The following SLC22A8 variants were observed in gnomAD, a reference collection of about 807,000 sequenced individuals.
SLC22A8 encodes solute carrier family 22 member 8.
SLC22A8 carries 40 observed loss-of-function variants against 48.4 expected under a neutral mutation model. The observed-to-expected ratio is 0.83, with a 90% CI of 0.64 to 1.08. The LOEUF is 1.08. Ranked by LOEUF, SLC22A8 falls within the 50% of genes least tolerant of loss-of-function variation. SLC22A8 has a pLI of 0.00. For missense variants in SLC22A8, 606 were observed against 699.0 expected (o/e 0.87, Z 1.50); for synonymous variants, 268 against 286.3 (o/e 0.94, Z 0.65).
chr11:63,014,598 TG>T (rs2086653222), intron 2 of SLC22A8, 27 bp downstream of exon 2: 1 of 1,548,340 alleles, frequency 6.5e-7, no homozygotes, highest in Non-Finnish European at 8.8e-7. Context: ...CGTGGGTAAG[TG>T]GAGGGAGAGG....
At position 63,015,795 on chromosome 11, in the gene SLC22A8, G is replaced by A. The variant is rs1187780412; in HGVS notation, c.-92C>T. On this transcript the variant is annotated 5_prime_UTR_variant, in exon 1 of 11. Transcript: ENST00000336232. The stretch of plus-strand genomic sequence containing the variant: ...TAGTTGAGGTCCCTGCTCTGTCCTA[G>A]GGGCCGGCAGCTGCTGTAGTAGGGC... 3 of 152,460 alleles carry A rather than the reference G, an allele frequency of 2.0e-5. No homozygotes were observed. Among genetic ancestry groups the A allele is most frequent in the African/African-American group, 7.2e-5 (3 of 41,462 alleles). 9.4% of individuals were successfully genotyped at this position (152,460 alleles called of 1,614,324 possible). A position where few individuals can be genotyped will look rare whatever the true frequency, so the allele number is the denominator to read the frequency against.
At chr11:63,010,767 A>C (rs1436691748) in intron 2 of SLC22A8, among the ~76,000 whole-genome samples, 2 of 152,138 alleles carry the variant, frequency 1.3e-5, no homozygotes, top group African/African-American at 4.8e-5. Context: ...GGTTCACACT[A>C]TCTCAGCTGC....
At chr11:62,996,547 C>G (rs61380596) in intron 5 of SLC22A8, among the ~76,000 whole-genome samples, 1 of 152,140 alleles carries the variant, frequency 6.6e-6, no homozygotes, top group South Asian at 2.1e-4. Context: ...GGGCTGCATT[C>G]CCAGTCTCTC....
intron 5 of SLC22A8, among the ~76,000 whole-genome samples, chr11:62,997,121 A>T (rs918138088): frequency 2.6e-5 from 4 of 152,240 alleles, no homozygotes; most frequent in African/African-American, 9.6e-5. Context: ...CCCGAGAATT[A>T]TGGCAGGAAT....
rs758552647 is a variant in SLC22A8 at position 62,996,040 on chromosome 11, G to T, written c.874C>A (p.Leu292Ile). 6.2e-7 allele frequency: 1 copy of T among 1,614,132 alleles called. No homozygotes were observed. The highest frequency in any genetic ancestry group is 8.5e-7 in the Non-Finnish European group (1 of 1,180,000). The stretch of plus-strand genomic sequence containing the variant: ...TCCTCAGCCCCTACCTCCAAGCTGA[G>T]CCTTTCTCCCTCTTCCTTCTTGCCA... Reference protein sequence around the residue: ...FNGKKEEGERLSLEELKLNLQ... With the variant: ...FNGKKEEGERISLEELKLNLQ... The change falls in exon 6 of 11, where the codon CTC becomes ATC. Residue 292 changes from leucine to isoleucine, a missense_variant. Leu to Ile is a conservative substitution (Grantham distance 5). Coordinates refer to ENST00000336232, the MANE Select transcript of SLC22A8 (RefSeq NM_004254.4).
chr11:63,003,707 G>A (rs1209254915), intron 2 of SLC22A8, among the ~76,000 whole-genome samples: 1 of 152,200 alleles, frequency 6.6e-6, no homozygotes, highest in Non-Finnish European at 1.5e-5. Context: ...TGGAATGTGA[G>A]TAGAAGAGAT....
At chr11:62,995,319 G>A (rs962880962) in intron 7 of SLC22A8, 3 of 267,522 alleles carry the variant, frequency 1.1e-5, no homozygotes, top group Admixed American at 4.9e-5. Context: ...TTTTGTCTTC[G>A]AGTCTGAAAC....
At chr11:63,000,924 C>T (rs1590693845) in intron 2 of SLC22A8, 101 bp from the exon 3 acceptor site, 1 of 884,484 alleles carries the variant, frequency 1.1e-6, no homozygotes, top group Non-Finnish European at 1.9e-6. Flanking sequence ...TCTCCCAGCG[C>T]CCTGACTTTG....
Position 63,000,766 on chromosome 11 carries a change from C to A in SLC22A8, c.391G>T (p.Ala131Ser). Residue 131 changes from alanine (A) to serine (S), a missense_variant, in exon 3 of 11, where the codon GCA becomes TCA. Ala to Ser is a moderately conservative substitution (Grantham distance 99). Transcript: ENST00000336232. ...LKEMAQSIFM[A>S]GILIGGLVLG... ...ACGAGCCCTCCAATCAGTATACCTG[C>A]CATGAAGATAGACTGGGCCATCTCC... The A allele has an allele frequency of 6.2e-7, 1 of 1,614,118 alleles. No homozygotes were observed. The highest frequency in any genetic ancestry group is 1.1e-5 in the South Asian group (1 of 91,086).
chr11:63,012,612 G>A (rs972033958), intron 2 of SLC22A8, among the ~76,000 whole-genome samples: 1 of 152,190 alleles, frequency 6.6e-6, no homozygotes, highest in Non-Finnish European at 1.5e-5. Context: ...AGAGCACTCT[G>A]AGTGTACAAA....
At position 63,000,718 on chromosome 11, in the gene SLC22A8, A is replaced by T; in HGVS notation, c.437+2T>A. On this transcript the variant is annotated splice_donor_variant, in intron 3 of 10. Coordinates refer to ENST00000336232, the MANE Select transcript of SLC22A8 (RefSeq NM_004254.4). LOFTEE classifies it high-confidence loss of function. Reference sequence around the variant, plus strand: ...TCCATGGGCTGTGCCCCCATGTCTCACCTGTCAGACAGGTCTCCAAGCACG... The same window carrying T: ...TCCATGGGCTGTGCCCCCATGTCTCTCCTGTCAGACAGGTCTCCAAGCACG... 6.2e-7 allele frequency: 1 copy of T among 1,603,820 alleles called. No individual in the cohort carries two copies. The highest frequency in any genetic ancestry group is 8.5e-7 in the Non-Finnish European group (1 of 1,170,748).
At position 63,006,595 on chromosome 11, in the gene SLC22A8, GTTTTTT is replaced by G. The variant is rs58058368; in HGVS notation, c.334-5778_334-5773del. ...TGAGGACTGAGAATGTCTCATTTGA[GTTTTTT>G]TTTTTTTTTTTTTTTTTTTTTTTTG... On this transcript the variant is annotated intron_variant, in intron 2 of 10. Transcript: ENST00000336232. 8.6e-3 allele frequency among the ~76,000 whole-genome samples: 443 copies of G among 51,366 alleles called. 3 individuals are homozygous for G. The highest frequency in any genetic ancestry group is 0.031 in the African/African-American group (389 of 12,524). 33.7% of individuals were successfully genotyped at this position (51,366 alleles called of 152,430 possible). A position where few individuals can be genotyped will look rare whatever the true frequency, so the allele number is the denominator to read the frequency against.
chr11:62,998,641 C>T (rs2086451936), intron 5 of SLC22A8, among the ~76,000 whole-genome samples: 1 of 152,206 alleles, frequency 6.6e-6, no homozygotes, highest in African/African-American at 2.4e-5. Flanking sequence ...AGTCCAGGCC[C>T]CCCAGCTTTC....
At chr11:63,002,693 T>C (rs2086510478) in intron 2 of SLC22A8, among the ~76,000 whole-genome samples, 1 of 152,228 alleles carries the variant, frequency 6.6e-6, no homozygotes, top group Admixed American at 6.5e-5. Context: ...TTCAAGATTC[T>C]AGCTTTTTGA....
chr11:63,000,708 C>G lies in SLC22A8; in HGVS notation c.437+12G>C, dbSNP rs746072995. The G allele has an allele frequency of 5.1e-6, 8 of 1,582,476 alleles. No individual in the cohort carries two copies. The highest frequency in any genetic ancestry group is 1.7e-6 in the Non-Finnish European group (2 of 1,151,386). On this transcript the variant is annotated intron_variant, in intron 3 of 10. Coordinates refer to ENST00000336232, the MANE Select transcript of SLC22A8 (RefSeq NM_004254.4). ...GGGTCATGCTTCCATGGGCTGTGCC[C>G]CCATGTCTCACCTGTCAGACAGGTC... is the stretch of plus-strand genomic sequence containing the variant.
intron 2 of SLC22A8, among the ~76,000 whole-genome samples, chr11:63,008,111 G>A (rs185709440): frequency 2.0e-5 from 3 of 152,332 alleles, no homozygotes; most frequent in Non-Finnish European, 2.9e-5. Flanking sequence ...TTGTGGTCAA[G>A]GAGGCAGTCA....
At chr11:63,008,150 A>G (rs2086577676) in intron 2 of SLC22A8, among the ~76,000 whole-genome samples, 1 of 152,120 alleles carries the variant, frequency 6.6e-6, no homozygotes, top group African/African-American at 2.4e-5. Context: ...CTGCTCTGAC[A>G]TCATATCCAA....
chr11:63,011,701 G>A (rs922343925), intron 2 of SLC22A8, among the ~76,000 whole-genome samples: 1 of 152,062 alleles, frequency 6.6e-6, no homozygotes, highest in African/African-American at 2.4e-5. Flanking sequence ...GCTTGCTAAC[G>A]GGTCTCCCTG....
Position 62,998,928 on chromosome 11 carries a change from A to G in SLC22A8, c.754T>C (p.Ser252Pro). The change falls in exon 5 of 11, where the codon TCA becomes CCA. Residue 252 changes from serine to proline, a missense_variant. Ser to Pro is a moderately conservative substitution (Grantham distance 74). Coordinates refer to ENST00000336232, the MANE Select transcript of SLC22A8 (RefSeq NM_004254.4). ...GAGGAGAGGGCCACATACCAGGATG[A>G]TAGGAAGAAGACGAAGAAGGGAATG... ...VSIPFFVFFLSSWWTPESIRW... is the reference protein window; with the variant it reads ...VSIPFFVFFLPSWWTPESIRW... 2 of 1,607,532 alleles carry G rather than the reference A, an allele frequency of 1.2e-6. No individual in the cohort carries two copies. The highest frequency in any genetic ancestry group is 1.7e-6 in the Non-Finnish European group (2 of 1,174,746).
Sources: gnomAD v4.1 joint callset for allele counts (sites outside exome capture counted in the v4.1 genomes callset) on GRCh38, gnomAD v4.1.1 for gene constraint, MANE v1.5 for transcripts, NCBI Gene and HGNC (gene_info 2026-07-23, HGNC 2026-07-21) for gene names.